Variants in ACTN2 observed in about 807,000 individuals in gnomAD.
ACTN2 encodes the protein alpha-actinin-2.
A neutral mutation model predicts 113.8 loss-of-function variants in ACTN2; 39 were observed. That is an observed-to-expected ratio of 0.34 (90% CI 0.27 to 0.45). The LOEUF (loss-of-function observed/expected upper bound fraction) is 0.45. ACTN2 is among the 20% of genes least tolerant of loss of function. The probability of loss-of-function intolerance (pLI) is 1.00; values close to 1 mark genes in which losing one functional copy is unlikely to be tolerated. For synonymous variants in ACTN2, 429 were observed against 444.1 expected, an observed-to-expected ratio of 0.97 and a Z score of 0.43; for missense variants, 992 against 1,177.9, an observed-to-expected ratio of 0.84 and a Z score of 2.31.
At chr1:236,721,015 G>GGTTTTCTTTTT in intron 4 of ACTN2, among the ~76,000 whole-genome samples, 1 of 49,138 alleles carries the variant, frequency 2.0e-5, no homozygotes, top group African/African-American at 1.0e-4. Context: ...TCTGGTTTTT[G>GGTTTTCTTTTT]TTTTTTGTTT....
At chr1:236,704,090 T>G (rs1340052715) in intron 1 of ACTN2, among the ~76,000 whole-genome samples, 2 of 152,144 alleles carry the variant, frequency 1.3e-5, no homozygotes, top group Non-Finnish European at 2.9e-5. Flanking sequence ...AATGTAGAAT[T>G]TGACGTGGAA....
intron 15 of ACTN2, 24 bp from the exon 16 acceptor site, chr1:236,753,923 C>T (rs1420348738): frequency 6.2e-7 from 1 of 1,612,184 alleles, no homozygotes; most frequent in South Asian, 1.1e-5. Context: ...GCCTCTAACC[C>T]TTGTTGTCCT....
intron 9 of ACTN2, 64 bp downstream of exon 9, chr1:236,737,278 G>T: frequency 1.4e-6 from 1 of 690,626 alleles, no homozygotes. Flanking sequence ...CACAGAGGGT[G>T]AAAAAATACT....
intron 1 of ACTN2, among the ~76,000 whole-genome samples, chr1:236,695,563 T>TCCACCCC (rs1657467692): frequency 2.0e-5 from 2 of 100,796 alleles, no homozygotes; most frequent in Non-Finnish European, 3.9e-5. Context: ...TGAAATGAGT[T>TCCACCCC]CCCCCCCCCT....
rs773404041 is a variant in ACTN2, at chr1:236,751,583, C to T, written c.1770C>T (p.Asn590=). ...TGGAGAAGGTGATTCAGAGCTACAA[C>T]ATCAGAATCAGCTCAAGCAACCCGT... ...NEVEKVIQSY[N]IRISSSNPYS... Residue 590 remains asparagine, a synonymous_variant, in exon 15 of 21, where the codon AAC becomes AAT. Transcript: ENST00000366578. 22 of 1,614,064 alleles carry T rather than the reference C, an allele frequency of 1.4e-5. No homozygotes were observed. The highest frequency in any genetic ancestry group is 1.8e-5 in the Non-Finnish European group (21 of 1,179,960).
chr1:236,734,485 C>G (rs745371820), intron 7 of ACTN2: 1 of 1,535,710 alleles, frequency 6.5e-7, no homozygotes. Context: ...CTTATGTTTC[C>G]TGTTACTATC....
chr1:236,721,401 C>A (rs1346654910), intron 4 of ACTN2, among the ~76,000 whole-genome samples: 1 of 152,036 alleles, frequency 6.6e-6, no homozygotes. Flanking sequence ...TGACATGAAG[C>A]CTGCAGTACT....
At chr1:236,729,022 A>T (rs1658642192) in intron 6 of ACTN2, among the ~76,000 whole-genome samples, 1 of 152,150 alleles carries the variant, frequency 6.6e-6, no homozygotes, top group African/African-American at 2.4e-5. Context: ...CGTCCACAAG[A>T]TTCACTAAGG....
chr1:236,741,919 C>T (rs997922596), intron 10 of ACTN2, among the ~76,000 whole-genome samples: 1 of 152,184 alleles, frequency 6.6e-6, no homozygotes, highest in Non-Finnish European at 1.5e-5. Context: ...GCTTGCCAAA[C>T]GCATCTCTCC....
At chr1:236,737,272 G>C in intron 9 of ACTN2, 58 bp downstream of exon 9, 2 of 1,011,052 alleles carry the variant, frequency 2.0e-6, no homozygotes, top group East Asian at 3.1e-5. Context: ...CTGAGGCACA[G>C]AGGGTGAAAA....
intron 1 of ACTN2, among the ~76,000 whole-genome samples, chr1:236,716,857 C>G (rs1658232773): frequency 3.1e-5 from 1 of 32,670 alleles, no homozygotes; most frequent in South Asian, 8.9e-4. Flanking sequence ...TTTTTTGAGA[C>G]AGAGTCTCAC....
chr1:236,744,798 C>T (rs1374795381), intron 12 of ACTN2, 22 bp downstream of exon 12: 1 of 1,613,942 alleles, frequency 6.2e-7, no homozygotes, highest in Non-Finnish European at 8.5e-7. Flanking sequence ...TGCCCTCCGT[C>T]CTCCCGGGAG....
chr1:236,707,693 T>C (rs984191147), intron 1 of ACTN2, among the ~76,000 whole-genome samples: 24 of 141,138 alleles, frequency 1.7e-4, no homozygotes, highest in African/African-American at 5.9e-4. Context: ...TTCTTTTCTT[T>C]TCTTTTCTTT....
intron 1 of ACTN2, among the ~76,000 whole-genome samples, chr1:236,692,842 A>G (rs1385999183): frequency 6.6e-6 from 1 of 152,128 alleles, no homozygotes; most frequent in Non-Finnish European, 1.5e-5. Context: ...AAACTTAATT[A>G]ACGCAGCCTC....
chr1:236,736,316 C>T (rs560646567), intron 8 of ACTN2, among the ~76,000 whole-genome samples: 7 of 152,260 alleles, frequency 4.6e-5, no homozygotes, highest in Middle Eastern at 6.8e-3. Flanking sequence ...CTGCAGTGGG[C>T]GGAGTATGCA....
chr1:236,759,644 A>C, intron 18 of ACTN2, 80 bp from the exon 19 acceptor site: 2 of 1,223,898 alleles, frequency 1.6e-6, no homozygotes, highest in Non-Finnish European at 2.4e-6. Context: ...TTCTCTTACC[A>C]GATCTTTGTT....
chr1:236,733,934 CTA>C (rs1658787428), intron 7 of ACTN2, among the ~76,000 whole-genome samples: 1 of 152,236 alleles, frequency 6.6e-6, no homozygotes, highest in African/African-American at 2.4e-5. Context: ...CTAAACTTAT[CTA>C]CTGTGCTTTT....
intron 9 of ACTN2, 146 bp downstream of exon 9, chr1:236,737,360 C>A: frequency 3.9e-6 from 1 of 255,092 alleles, no homozygotes. Flanking sequence ...TAGGAAAATA[C>A]ACTTGATCTC....
In ACTN2 at chr1:236,764,336, C is replaced by T. The variant is rs990018495; in HGVS notation, c.*1717C>T. 7 of 152,134 alleles carry T rather than the reference C, an allele frequency of 4.6e-5. No individual in the cohort carries two copies. The highest frequency in any genetic ancestry group is 1.0e-4 in the Non-Finnish European group (7 of 68,024). 9.4% of individuals were successfully genotyped at this position (152,134 alleles called of 1,614,324 possible). ...GGTGCTATATCCCGGCCATAAACCCCTATAGAAAAGCCAGAAAGTTGTGCT... is the reference window on the plus strand; with the variant it reads ...GGTGCTATATCCCGGCCATAAACCCTTATAGAAAAGCCAGAAAGTTGTGCT... On this transcript the variant is annotated 3_prime_UTR_variant, in exon 21 of 21. Coordinates refer to ENST00000366578, the MANE Select transcript of ACTN2 (RefSeq NM_001103.4).
Sources: gnomAD v4.1 joint callset for allele counts (sites outside exome capture counted in the v4.1 genomes callset) on GRCh38, gnomAD v4.1.1 for gene constraint, MANE v1.5 for transcripts, NCBI Gene and HGNC (gene_info 2026-07-23, HGNC 2026-07-21) for gene names.